VPS13B: variants seen among roughly 807,000 people sequenced by gnomAD.
The protein encoded by VPS13B is vacuolar protein sorting 13 homolog B.
A neutral mutation model predicts 426.4 loss-of-function variants in VPS13B; 285 were observed. That is an observed-to-expected ratio of 0.67 (90% CI 0.61 to 0.74). The LOEUF (loss-of-function observed/expected upper bound fraction) is 0.74, where lower values mean the gene tolerates loss of function less well. VPS13B is among the 30% of genes least tolerant of loss of function. The pLI, the probability that VPS13B is intolerant of heterozygous loss-of-function variation, is 0.00. For synonymous variants in VPS13B, 1,676 were observed against 1,676.4 expected, an observed-to-expected ratio of 1.00 and a Z score of 0.01; for missense variants, 4,537 against 4,782.6, an observed-to-expected ratio of 0.95 and a Z score of 1.51.
intron 23 of VPS13B, among the ~76,000 whole-genome samples, chr8:99,458,034 T>G (rs955731346): frequency 2.6e-5 from 4 of 152,156 alleles, no homozygotes; most frequent in African/African-American, 9.6e-5. Flanking sequence ...TCATTTAACA[T>G]TAGTTATATC....
At chr8:99,633,048 G>T (rs1192483955) in intron 33 of VPS13B, among the ~76,000 whole-genome samples, 1 of 151,956 alleles carries the variant, frequency 6.6e-6, no homozygotes, top group African/African-American at 2.4e-5. Flanking sequence ...GAAGTTAATT[G>T]CTTGACCATT....
chr8:99,822,924 A>G (rs1563492005), intron 50 of VPS13B, among the ~76,000 whole-genome samples: 1 of 152,226 alleles, frequency 6.6e-6, no homozygotes, highest in South Asian at 2.1e-4. Flanking sequence ...AAAGATTAAT[A>G]GCATCTTACT....
At chr8:99,691,339 A>G (rs1831651984) in intron 35 of VPS13B, among the ~76,000 whole-genome samples, 1 of 152,092 alleles carries the variant, frequency 6.6e-6, no homozygotes, top group Non-Finnish European at 1.5e-5. Context: ...ACTAAAAACA[A>G]TAAATTGTAT....
At chr8:99,641,760 G>A in intron 33 of VPS13B, 51 bp from the exon 34 acceptor site, 1 of 1,520,988 alleles carries the variant, frequency 6.6e-7, no homozygotes, top group Non-Finnish European at 9.0e-7. Flanking sequence ...TTGTTTATAT[G>A]ACACTTGGCA....
At chr8:99,070,351 A>T (rs1844790314) in intron 3 of VPS13B, among the ~76,000 whole-genome samples, 1 of 152,224 alleles carries the variant, frequency 6.6e-6, no homozygotes, top group African/African-American at 2.4e-5. Context: ...TTTGGAATGG[A>T]TGCATGAAAT....
intron 34 of VPS13B, among the ~76,000 whole-genome samples, chr8:99,649,302 T>C (rs189682352): frequency 1.3e-5 from 2 of 152,238 alleles, no homozygotes; most frequent in East Asian, 1.9e-4. Context: ...TTTGGCCCTT[T>C]TTTCTTCAAA....
chr8:99,150,878 A>C (rs1217504398), intron 14 of VPS13B, among the ~76,000 whole-genome samples: 1 of 152,222 alleles, frequency 6.6e-6, no homozygotes. Context: ...GCATGTTTTC[A>C]ACTCCTTTGG....
At chr8:99,618,232 A>C (rs1828189727) in intron 33 of VPS13B, among the ~76,000 whole-genome samples, 1 of 151,846 alleles carries the variant, frequency 6.6e-6, no homozygotes, top group Admixed American at 6.6e-5. Flanking sequence ...AGCAGTAGCA[A>C]ATGTACTATT....
At chr8:99,357,214 C>T (rs1336816994) in intron 19 of VPS13B, among the ~76,000 whole-genome samples, 1 of 152,168 alleles carries the variant, frequency 6.6e-6, no homozygotes, top group African/African-American at 2.4e-5. Flanking sequence ...ATTCAGACCT[C>T]TATCTCCAGA....
At chr8:99,439,229 G>A (rs1304762009) in intron 22 of VPS13B, among the ~76,000 whole-genome samples, 1 of 152,050 alleles carries the variant, frequency 6.6e-6, no homozygotes, top group Non-Finnish European at 1.5e-5. Flanking sequence ...GTTTCTACTT[G>A]TTGAACAATT....
chr8:99,542,077 T>A (rs1045232325), intron 30 of VPS13B, among the ~76,000 whole-genome samples: 2 of 152,106 alleles, frequency 1.3e-5, no homozygotes, highest in Admixed American at 6.6e-5. Context: ...TTTTAGTAGA[T>A]ATGGGGTTTC....
intron 40 of VPS13B, among the ~76,000 whole-genome samples, chr8:99,772,468 G>A (rs1384091902): frequency 6.6e-6 from 1 of 152,134 alleles, no homozygotes; most frequent in Non-Finnish European, 1.5e-5. Context: ...GGGGAGGGGA[G>A]AGTAGGGAGT....
intron 17 of VPS13B, among the ~76,000 whole-genome samples, chr8:99,197,781 A>C (rs761744009): frequency 6.6e-6 from 1 of 152,030 alleles, no homozygotes; most frequent in Non-Finnish European, 1.5e-5. Context: ...TTGTGTTTCC[A>C]TTTTCATTTG....
intron 17 of VPS13B, among the ~76,000 whole-genome samples, chr8:99,197,246 A>G (rs1321697235): frequency 6.6e-6 from 1 of 152,124 alleles, no homozygotes; most frequent in Non-Finnish European, 1.5e-5. Flanking sequence ...GAATTTTTAC[A>G]TCTATGTTCA....
At chr8:99,528,902 T>C (rs998475282) in intron 30 of VPS13B, among the ~76,000 whole-genome samples, 3 of 152,116 alleles carry the variant, frequency 2.0e-5, no homozygotes, top group African/African-American at 7.2e-5. Context: ...AATTGGTCTT[T>C]TTTGCAAATT....
At chr8:99,144,147 G>C (rs1810575411) in intron 13 of VPS13B, among the ~76,000 whole-genome samples, 2 of 152,036 alleles carry the variant, frequency 1.3e-5, no homozygotes, top group South Asian at 4.2e-4. Context: ...CCTCAGTACT[G>C]TGATGGCACC....
intron 17 of VPS13B, among the ~76,000 whole-genome samples, chr8:99,270,627 C>G (rs1818539860): frequency 6.6e-6 from 1 of 152,114 alleles, no homozygotes; most frequent in Non-Finnish European, 1.5e-5. Flanking sequence ...TTCTTTTGCT[C>G]TTGTATATAC....
At chr8:99,085,774 G>T (rs1196651738) in intron 3 of VPS13B, among the ~76,000 whole-genome samples, 1 of 152,092 alleles carries the variant, frequency 6.6e-6, no homozygotes, top group East Asian at 1.9e-4. Flanking sequence ...GTTGAATATT[G>T]GCCCCACTTT....
chr8:99,308,199 C>G (rs1820740897), intron 19 of VPS13B, among the ~76,000 whole-genome samples: 1 of 150,866 alleles, frequency 6.6e-6, no homozygotes, highest in Non-Finnish European at 1.5e-5. Context: ...TTTAATTACA[C>G]TTCAAGTTTT....
Sources: allele counts gnomAD v4.1 joint callset (sites outside exome capture counted in the v4.1 genomes callset), GRCh38; gene constraint gnomAD v4.1.1; transcripts MANE v1.5; gene names NCBI Gene and HGNC (gene_info 2026-07-23, HGNC 2026-07-21).